LRRC4C: variants seen among roughly 807,000 people sequenced by gnomAD.
The protein encoded by LRRC4C is leucine-rich repeat-containing protein 4C.
In LRRC4C, 5 loss-of-function variants were observed where a neutral mutation model predicts 33.6. That is an observed-to-expected ratio of 0.15 (90% CI 0.08 to 0.31). The LOEUF is 0.31. Ranked by LOEUF, LRRC4C falls within the 10% of genes least tolerant of loss-of-function variation. LRRC4C has a pLI of 1.00. For missense variants in LRRC4C, 560 were observed against 796.7 expected, an observed-to-expected ratio of 0.70 and a Z score of 3.58; for synonymous variants, 329 against 302.0, an observed-to-expected ratio of 1.09 and a Z score of -0.93.
At chr11:41,024,800 A>T (rs979322710) in intron 1 of LRRC4C, among the ~76,000 whole-genome samples, 3 of 151,714 alleles carry the variant, frequency 2.0e-5, no homozygotes, top group Non-Finnish European at 4.4e-5. Context: ...TTTTTTACAT[A>T]TGGAAAGTCT....
chr11:40,500,787 C>A (rs113876464), intron 3 of LRRC4C, among the ~76,000 whole-genome samples: 1 of 152,062 alleles, frequency 6.6e-6, no homozygotes, highest in South Asian at 2.1e-4. Context: ...CTTGCCCCTG[C>A]CAAATCTCAT....
intron 2 of LRRC4C, among the ~76,000 whole-genome samples, chr11:40,774,248 T>A (rs1949884690): frequency 6.6e-6 from 1 of 152,114 alleles, no homozygotes; most frequent in Non-Finnish European, 1.5e-5. Context: ...ATTTACCTGT[T>A]GAAGGACATT....
intron 1 of LRRC4C, among the ~76,000 whole-genome samples, chr11:41,273,607 G>T (rs1434805980): frequency 2.6e-5 from 4 of 152,138 alleles, no homozygotes; most frequent in Non-Finnish European, 4.4e-5. Context: ...GGAAAATGGA[G>T]AATTATTGCT....
At chr11:40,475,684 T>TAG (rs1953179783) in intron 3 of LRRC4C, among the ~76,000 whole-genome samples, 1 of 152,154 alleles carries the variant, frequency 6.6e-6, no homozygotes, top group South Asian at 2.1e-4. Flanking sequence ...GGGGGAGCAT[T>TAG]AGAGTCCTGT....
In LRRC4C at chr11:41,321,591, A is replaced by T. The variant is rs923746978; in HGVS notation, c.-496+137840T>A. On this transcript the variant is annotated intron_variant, in intron 1 of 6. Coordinates refer to ENST00000528697, the MANE Select transcript of LRRC4C (RefSeq NM_001258419.2). ...TAAGAGCTTTTAATGATCTTGTGCC[A>T]GCCACTGTTCGCAGTGTTTTGTCTG... 3.9e-5 allele frequency among the ~76,000 whole-genome samples: 6 copies of T among 152,308 alleles called. No homozygotes were observed. In the South Asian group the frequency reaches 1.0e-3, roughly 26 times the overall value.
chr11:40,219,212 A>G (rs1864223784), intron 5 of LRRC4C, among the ~76,000 whole-genome samples: 1 of 152,134 alleles, frequency 6.6e-6, no homozygotes, highest in South Asian at 2.1e-4. Context: ...CTTTAGTCAC[A>G]CTCGGTTTAT....
At chr11:40,426,012 ATTTTTT>A (rs58586544) in intron 3 of LRRC4C, among the ~76,000 whole-genome samples, 1 of 128,664 alleles carries the variant, frequency 7.8e-6, no homozygotes. Context: ...AGTCAGTTGC[ATTTTTT>A]TTTTTTTTTT....
chr11:40,148,231 T>G (rs1590524468), intron 5 of LRRC4C, among the ~76,000 whole-genome samples: 2 of 152,208 alleles, frequency 1.3e-5, no homozygotes, highest in South Asian at 2.1e-4. Flanking sequence ...ATGGTGTTTC[T>G]GACTTTAGGT....
At chr11:40,299,573 T>C (rs1944672827) in intron 4 of LRRC4C, among the ~76,000 whole-genome samples, 1 of 152,214 alleles carries the variant, frequency 6.6e-6, no homozygotes, top group Non-Finnish European at 1.5e-5. Flanking sequence ...AGATTCATAG[T>C]TTAAATACAA....
intron 3 of LRRC4C, among the ~76,000 whole-genome samples, chr11:40,401,931 T>TG (rs1949775859): frequency 6.6e-6 from 1 of 152,032 alleles, no homozygotes; most frequent in Non-Finnish European, 1.5e-5. Context: ...TAGATTTCTC[T>TG]GAAATAAATA....
At chr11:41,427,252 G>A (rs1207769508) in intron 1 of LRRC4C, among the ~76,000 whole-genome samples, 1 of 152,046 alleles carries the variant, frequency 6.6e-6, no homozygotes, top group Non-Finnish European at 1.5e-5. Flanking sequence ...ATTTAGTAGA[G>A]ATTTTATTTT....
chr11:40,426,618 TTTATTTA>T (rs1950726225), intron 3 of LRRC4C, among the ~76,000 whole-genome samples: 1 of 152,180 alleles, frequency 6.6e-6, no homozygotes. Flanking sequence ...ATATACTTTA[TTTATTTA>T]TTAAGTGTAT....
chr11:41,454,910 G>A (rs1196405235), intron 1 of LRRC4C, among the ~76,000 whole-genome samples: 2 of 152,120 alleles, frequency 1.3e-5, no homozygotes, highest in African/African-American at 4.8e-5. Context: ...GCTACCTAGA[G>A]AAGTCCAATT....
chr11:40,433,501 C>T (rs1168887443), intron 3 of LRRC4C, among the ~76,000 whole-genome samples: 1 of 151,790 alleles, frequency 6.6e-6, no homozygotes, highest in African/African-American at 2.4e-5. Context: ...TTTTGATTTC[C>T]TATAAAATGA....
At chr11:40,419,265 A>G (rs1048103225) in intron 3 of LRRC4C, among the ~76,000 whole-genome samples, 2 of 152,196 alleles carry the variant, frequency 1.3e-5, no homozygotes, top group Admixed American at 1.3e-4. Flanking sequence ...AATATTTGAG[A>G]AATATTTCTC....
chr11:40,919,537 T>G (rs1262154926), intron 2 of LRRC4C, among the ~76,000 whole-genome samples: 2 of 152,122 alleles, frequency 1.3e-5, no homozygotes, highest in Non-Finnish European at 2.9e-5. Flanking sequence ...AACCCATCAT[T>G]TGGCTTATCT....
intron 2 of LRRC4C, among the ~76,000 whole-genome samples, chr11:40,924,086 A>G (rs1385601021): frequency 6.8e-6 from 1 of 146,890 alleles, no homozygotes; most frequent in Non-Finnish European, 1.5e-5. Context: ...GTGTGTATAT[A>G]TGTGTGTGTG....
At chr11:40,172,876 A>G (rs1190663363) in intron 5 of LRRC4C, among the ~76,000 whole-genome samples, 2 of 152,180 alleles carry the variant, frequency 1.3e-5, no homozygotes, top group Non-Finnish European at 2.9e-5. Flanking sequence ...TATAGAAGTA[A>G]TCAGGTTAAA....
chr11:40,434,604 G>A (rs1951071072), intron 3 of LRRC4C, among the ~76,000 whole-genome samples: 1 of 152,092 alleles, frequency 6.6e-6, no homozygotes, highest in Non-Finnish European at 1.5e-5. Flanking sequence ...ACAATCCTAA[G>A]AACTCAATCA....
Sources: allele counts gnomAD v4.1 joint callset (sites outside exome capture counted in the v4.1 genomes callset), GRCh38; gene constraint gnomAD v4.1.1; transcripts MANE v1.5; gene names NCBI Gene and HGNC (gene_info 2026-07-23, HGNC 2026-07-21).